The following CSMD1 variants were observed in gnomAD, a reference collection of about 807,000 sequenced individuals.
CSMD1 encodes the protein CUB and Sushi multiple domains 1.
Under a neutral mutation model 417.5 loss-of-function variants are expected in CSMD1, and 213 were observed. The observed-to-expected ratio is 0.51, with a 90% CI of 0.46 to 0.57. The LOEUF (loss-of-function observed/expected upper bound fraction) is 0.57. CSMD1 is among the 20% of genes least tolerant of loss of function. CSMD1 has a pLI of 0.00. For synonymous variants in CSMD1, 2,862 were observed against 1,736.8 expected, an observed-to-expected ratio of 1.65 and a Z score of -16.11; for missense variants, 6,923 against 4,529.7, an observed-to-expected ratio of 1.53 and a Z score of -15.17.
chr8:3,560,800 G>C (rs868550389), intron 10 of CSMD1, among the ~76,000 whole-genome samples: 3 of 152,180 alleles, frequency 2.0e-5, no homozygotes, highest in Middle Eastern at 3.2e-3. Flanking sequence ...TATCGAGCTA[G>C]AGAAAGCAAT....
At chr8:4,031,403 G>C (rs1454580731) in intron 4 of CSMD1, among the ~76,000 whole-genome samples, 2 of 152,178 alleles carry the variant, frequency 1.3e-5, no homozygotes, top group Admixed American at 1.3e-4. Context: ...AGCTTGTGCA[G>C]GGGAACTCCT....
chr8:3,472,724 C>A (rs925471720), intron 11 of CSMD1, among the ~76,000 whole-genome samples: 2 of 152,110 alleles, frequency 1.3e-5, no homozygotes, highest in Non-Finnish European at 2.9e-5. Context: ...AGCCCATTCC[C>A]AGCCCTTATT....
intron 1 of CSMD1, among the ~76,000 whole-genome samples, chr8:4,969,151 A>G (rs1270939090): frequency 6.6e-6 from 1 of 152,070 alleles, no homozygotes; most frequent in East Asian, 1.9e-4. Context: ...GTACTTTATT[A>G]TACCATTATC....
intron 36 of CSMD1, among the ~76,000 whole-genome samples, chr8:3,187,205 A>G (rs959202592): frequency 6.6e-6 from 1 of 152,240 alleles, no homozygotes; most frequent in Non-Finnish European, 1.5e-5. Context: ...TAATGCTATT[A>G]CAGTGTAATG....
chr8:3,117,134 G>A (rs78665108), intron 42 of CSMD1, among the ~76,000 whole-genome samples: 14 of 152,070 alleles, frequency 9.2e-5, no homozygotes, highest in Non-Finnish European at 1.8e-4. Flanking sequence ...GCAGTGGCAC[G>A]ATCTCAGGGC....
intron 1 of CSMD1, among the ~76,000 whole-genome samples, chr8:4,824,962 A>G (rs1799739089): frequency 6.6e-6 from 1 of 152,142 alleles, no homozygotes; most frequent in Admixed American, 6.6e-5. Flanking sequence ...AGTAGAAGCA[A>G]TCAAAGAATC....
chr8:3,734,876 G>C (rs1796448253), intron 6 of CSMD1, among the ~76,000 whole-genome samples: 1 of 152,140 alleles, frequency 6.6e-6, no homozygotes, highest in African/African-American at 2.4e-5. Flanking sequence ...TGCTACAATA[G>C]GGCTGTACTG....
intron 3 of CSMD1, among the ~76,000 whole-genome samples, chr8:4,339,407 C>G (rs1800351123): frequency 1.3e-5 from 2 of 152,016 alleles, no homozygotes; most frequent in Non-Finnish European, 2.9e-5. Flanking sequence ...AATCTCAGTC[C>G]AGGCTCTCTT....
Position 4,142,062 on chromosome 8 carries a change from G to GA in CSMD1, c.416-109964dup, listed in dbSNP as rs1223694262. 3.9e-4 allele frequency among the ~76,000 whole-genome samples: 40 copies of GA among 103,390 alleles called. 1 individual carries two copies. In the East Asian group the frequency reaches 3.9e-3, roughly 10 times the overall value. The allele number at this position is 103,390 out of a possible 152,430, so 67.8% of individuals were successfully genotyped here. ...TTTTAAATGTTTGAATATATAAGTT[G>GA]AAAAAAAAATAACTCCATACTGGAA... is the stretch of plus-strand genomic sequence containing the variant. On this transcript the variant is annotated intron_variant, in intron 3 of 69. Transcript: ENST00000635120.
At chr8:4,034,838 G>C (rs888338687) in intron 3 of CSMD1, among the ~76,000 whole-genome samples, 5 of 152,128 alleles carry the variant, frequency 3.3e-5, no homozygotes, top group African/African-American at 9.7e-5. Context: ...AAGGTGTCCA[G>C]ATAATTGTTC....
chr8:4,339,232 A>G (rs2128894433), intron 3 of CSMD1, among the ~76,000 whole-genome samples: 1 of 152,266 alleles, frequency 6.6e-6, no homozygotes, highest in South Asian at 2.1e-4. Context: ...GCCATAGGAA[A>G]TAATCTAGTT....
At chr8:4,016,307 A>G (rs2130469566) in intron 4 of CSMD1, among the ~76,000 whole-genome samples, 1 of 152,196 alleles carries the variant, frequency 6.6e-6, no homozygotes, top group East Asian at 1.9e-4. Context: ...TAGAAAATAA[A>G]TGGGGAATAA....
chr8:3,743,331 C>T (rs1449055344), intron 6 of CSMD1, among the ~76,000 whole-genome samples: 1 of 152,240 alleles, frequency 6.6e-6, no homozygotes, highest in Non-Finnish European at 1.5e-5. Context: ...AAGCAACAAA[C>T]AACTTGCTGC....
chr8:3,859,611 G>A (rs1804553557), intron 5 of CSMD1, among the ~76,000 whole-genome samples: 1 of 152,130 alleles, frequency 6.6e-6, no homozygotes, highest in African/African-American at 2.4e-5. Context: ...TGTTATTTAT[G>A]GTGGGAGCTT....
intron 11 of CSMD1, among the ~76,000 whole-genome samples, chr8:3,477,074 A>G (rs1817474219): frequency 6.6e-6 from 1 of 152,216 alleles, no homozygotes. Context: ...ATTTACAGTC[A>G]TAGATCTGTA....
At chr8:4,078,893 ATAAATATATATATATATATAT>A (rs1799973292) in intron 3 of CSMD1, among the ~76,000 whole-genome samples, 5 of 84,054 alleles carry the variant, frequency 5.9e-5, no homozygotes, top group Admixed American at 5.7e-4. Context: ...AATAATAATA[ATAAATATATATATATATATAT>A]ATATATATAT....
At chr8:4,926,682 C>T (rs1463274600) in intron 1 of CSMD1, among the ~76,000 whole-genome samples, 2 of 151,790 alleles carry the variant, frequency 1.3e-5, no homozygotes, top group African/African-American at 2.4e-5. Flanking sequence ...CTGGGCTTTT[C>T]TTTTTTTTCG....
At chr8:3,867,448 A>G (rs897573293) in intron 5 of CSMD1, among the ~76,000 whole-genome samples, 7 of 152,154 alleles carry the variant, frequency 4.6e-5, no homozygotes, top group Non-Finnish European at 1.0e-4. Context: ...CTTCCTGGCT[A>G]TGGTTTAAAT....
At chr8:4,696,242 T>A (rs909974262) in intron 1 of CSMD1, among the ~76,000 whole-genome samples, 1 of 152,230 alleles carries the variant, frequency 6.6e-6, no homozygotes, top group East Asian at 1.9e-4. Context: ...ATATGATAGA[T>A]ACACATAAGA....
Sources: gnomAD v4.1 joint callset for allele counts (sites outside exome capture counted in the v4.1 genomes callset) on GRCh38, gnomAD v4.1.1 for gene constraint, MANE v1.5 for transcripts, NCBI Gene and HGNC (gene_info 2026-07-23, HGNC 2026-07-21) for gene names.